GALNTL6: variants seen among roughly 807,000 people sequenced by gnomAD.
The protein encoded by GALNTL6 is polypeptide N-acetylgalactosaminyltransferase like 6, also known as polypeptide N-acetylgalactosaminyltransferase-like 6.
Under a neutral mutation model 73.7 loss-of-function variants are expected in GALNTL6, and 46 were observed. The ratio of observed to expected loss-of-function variants is 0.62; its 90% CI spans 0.49 to 0.80. GALNTL6 has a LOEUF of 0.80. GALNTL6 is among the 30% of genes least tolerant of loss of function. The pLI, the probability that GALNTL6 is intolerant of heterozygous loss-of-function variation, is 0.00. For missense variants in GALNTL6, 604 were observed against 755.0 expected, an observed-to-expected ratio of 0.80 and a Z score of 2.34; for synonymous variants, 259 against 263.7, an observed-to-expected ratio of 0.98 and a Z score of 0.17.
intron 2 of GALNTL6, among the ~76,000 whole-genome samples, chr4:172,003,658 G>T (rs918113724): frequency 5.3e-5 from 8 of 152,018 alleles, no homozygotes; most frequent in African/African-American, 1.9e-4. Context: ...GTCATGGTTG[G>T]TTGCTTTAAT....
chr4:172,926,080 T>C (rs972148654), intron 8 of GALNTL6, among the ~76,000 whole-genome samples: 1 of 152,218 alleles, frequency 6.6e-6, no homozygotes, highest in African/African-American at 2.4e-5. Context: ...CTCACTGTTC[T>C]GGATGCTGCA....
chr4:172,841,543 T>C (rs951995237), intron 7 of GALNTL6, among the ~76,000 whole-genome samples: 1 of 152,178 alleles, frequency 6.6e-6, no homozygotes, highest in Admixed American at 6.5e-5. Context: ...GAAGTTTAAT[T>C]GACTAACTGT....
intron 3 of GALNTL6, among the ~76,000 whole-genome samples, chr4:172,284,722 A>G (rs1739188547): frequency 6.6e-6 from 1 of 152,226 alleles, no homozygotes. Context: ...TAATTTTCAC[A>G]GTACCACTTA....
chr4:172,247,628 A>G (rs1219349227), intron 3 of GALNTL6, among the ~76,000 whole-genome samples: 1 of 152,146 alleles, frequency 6.6e-6, no homozygotes, highest in Non-Finnish European at 1.5e-5. Flanking sequence ...AAAGCTGTGA[A>G]ACTCTCAGGA....
intron 5 of GALNTL6, among the ~76,000 whole-genome samples, chr4:172,557,188 T>G (rs1328150469): frequency 6.6e-6 from 1 of 152,146 alleles, no homozygotes; most frequent in Non-Finnish European, 1.5e-5. Flanking sequence ...CAAGTTCTGG[T>G]CAAGCAATGT....
chr4:173,003,815 T>C (rs1212711355), intron 10 of GALNTL6, among the ~76,000 whole-genome samples: 1 of 152,212 alleles, frequency 6.6e-6, no homozygotes, highest in African/African-American at 2.4e-5. Flanking sequence ...CCCCTTCCAA[T>C]GTCATCCATC....
intron 5 of GALNTL6, among the ~76,000 whole-genome samples, chr4:172,771,820 A>G (rs552760391): frequency 1.3e-5 from 2 of 152,286 alleles, no homozygotes; most frequent in East Asian, 3.9e-4. Flanking sequence ...TCAATGTTCT[A>G]TAGGCCAAGA....
At chr4:172,379,764 G>A (rs983169534) in intron 5 of GALNTL6, among the ~76,000 whole-genome samples, 1 of 152,100 alleles carries the variant, frequency 6.6e-6, no homozygotes, top group Admixed American at 6.5e-5. Context: ...CAGGCTTGGG[G>A]AAATGAATAA....
At chr4:173,007,134 T>C (rs567237043) in intron 10 of GALNTL6, among the ~76,000 whole-genome samples, 1 of 152,252 alleles carries the variant, frequency 6.6e-6, no homozygotes, top group South Asian at 2.1e-4. Flanking sequence ...CACCATTCTG[T>C]CCCAGCATTA....
chr4:171,881,966 G>A (rs934564977), intron 2 of GALNTL6, among the ~76,000 whole-genome samples: 9 of 152,152 alleles, frequency 5.9e-5, no homozygotes, highest in African/African-American at 2.2e-4. Flanking sequence ...TCTTTCTTTG[G>A]TTAACACATC....
chr4:172,620,567 C>A (rs1299920278), intron 5 of GALNTL6, among the ~76,000 whole-genome samples: 3 of 152,140 alleles, frequency 2.0e-5, no homozygotes, highest in East Asian at 3.9e-4. Flanking sequence ...GCACCGAAGA[C>A]AGAATTATAT....
At chr4:172,403,515 G>T (rs994842935) in intron 5 of GALNTL6, among the ~76,000 whole-genome samples, 5 of 151,904 alleles carry the variant, frequency 3.3e-5, no homozygotes, top group African/African-American at 1.2e-4. Context: ...CAAGGAAATA[G>T]AAGTCTTTTT....
rs1482745507 is a variant in GALNTL6 at position 172,070,652 on chromosome 4, A to T, written c.139-159004A>T. On this transcript the variant is annotated intron_variant, in intron 2 of 12. Transcript: ENST00000506823. The stretch of plus-strand genomic sequence containing the variant: ...GGACTTGGACTTCCCAGTTCCCAGA[A>T]CTATGAGCTAAATACACTTTTGAAA... 2.7e-5 allele frequency among the ~76,000 whole-genome samples: 3 copies of T among 109,678 alleles called. 1 individual carries two copies. The highest frequency in any genetic ancestry group is 6.1e-5 in the Non-Finnish European group (3 of 49,416). The allele number at this position is 109,678 out of a possible 152,430, so 72.0% of individuals were successfully genotyped here. A position where few individuals can be genotyped will look rare whatever the true frequency, so the allele number is the denominator to read the frequency against.
At chr4:171,978,450 A>G (rs879899922) in intron 2 of GALNTL6, among the ~76,000 whole-genome samples, 1 of 152,076 alleles carries the variant, frequency 6.6e-6, no homozygotes, top group Non-Finnish European at 1.5e-5. Flanking sequence ...TCCACTCTAA[A>G]CTGCCTCAGT....
intron 5 of GALNTL6, among the ~76,000 whole-genome samples, chr4:172,529,004 T>C (rs1161897499): frequency 4.4e-5 from 2 of 45,774 alleles, no homozygotes; most frequent in Non-Finnish European, 9.1e-5. Context: ...TATATATATA[T>C]ATACACACAC....
chr4:173,008,465 C>A (rs1752393783), intron 10 of GALNTL6, among the ~76,000 whole-genome samples: 1 of 152,186 alleles, frequency 6.6e-6, no homozygotes, highest in African/African-American at 2.4e-5. Context: ...TCGAGTAGAC[C>A]ATGTTTTAAC....
chr4:172,376,809 A>T (rs1410727721), intron 5 of GALNTL6, among the ~76,000 whole-genome samples: 1 of 152,128 alleles, frequency 6.6e-6, no homozygotes, highest in African/African-American at 2.4e-5. Context: ...TGACTTCAAG[A>T]ATGAAGCCGC....
chr4:172,927,311 G>A (rs1156357031), intron 8 of GALNTL6, among the ~76,000 whole-genome samples: 2 of 152,182 alleles, frequency 1.3e-5, no homozygotes, highest in Non-Finnish European at 2.9e-5. Context: ...GTGCCCAGGA[G>A]GAAGTGAGCA....
chr4:173,009,164 T>C lies in GALNTL6; in HGVS notation c.1372-14T>C. On this transcript the variant is annotated splice_polypyrimidine_tract_variant and intron_variant, in intron 10 of 12. Transcript: ENST00000506823. ...ACATAGCCCCACACTCAAAATTCTT[T>C]CTTCTTTCCACAGATCCGAAATGTG... is the stretch of plus-strand genomic sequence containing the variant. The C allele has an allele frequency of 6.3e-7, 1 of 1,592,848 alleles. No homozygotes were observed. The highest frequency in any genetic ancestry group is 8.6e-7 in the Non-Finnish European group (1 of 1,160,634).
Sources: allele counts gnomAD v4.1 joint callset (sites outside exome capture counted in the v4.1 genomes callset), GRCh38; gene constraint gnomAD v4.1.1; transcripts MANE v1.5; gene names NCBI Gene and HGNC (gene_info 2026-07-23, HGNC 2026-07-21).